MAGI1: variants seen among roughly 807,000 people sequenced by gnomAD.
MAGI1 encodes membrane associated guanylate kinase, WW and PDZ domain containing 1.
MAGI1 carries 58 observed loss-of-function variants against 139.9 expected under a neutral mutation model. The ratio of observed to expected loss-of-function variants is 0.41; its 90% CI spans 0.34 to 0.52. The LOEUF is 0.52. MAGI1 is among the 20% of genes least tolerant of loss of function. The pLI, the probability that MAGI1 is intolerant of heterozygous loss-of-function variation, is 0.12. For synonymous variants in MAGI1, 812 were observed against 737.9 expected (o/e 1.10, Z -1.63); for missense variants, 1,874 against 1,901.6 (o/e 0.99, Z 0.27).
intron 16 of MAGI1, among the ~76,000 whole-genome samples, 170 bp downstream of exon 16, chr3:65,381,707 C>T (rs181233112): frequency 6.6e-6 from 1 of 152,260 alleles, no homozygotes; most frequent in East Asian, 1.9e-4. Context: ...TTTAGAATGA[C>T]AGTAATTTTT....
chr3:65,991,325 A>T (rs1340000744), intron 1 of MAGI1, among the ~76,000 whole-genome samples: 1 of 148,720 alleles, frequency 6.7e-6, no homozygotes, highest in African/African-American at 2.5e-5. Context: ...AAAAAAAAAG[A>T]AAGTTAATGA....
At chr3:65,681,547 T>C (rs1576707476) in intron 1 of MAGI1, among the ~76,000 whole-genome samples, 1 of 152,372 alleles carries the variant, frequency 6.6e-6, no homozygotes, top group East Asian at 1.9e-4. Context: ...CATTTTGCTG[T>C]CACACTGTTT....
intron 12 of MAGI1, among the ~76,000 whole-genome samples, chr3:65,415,192 T>C (rs1946115082): frequency 6.6e-6 from 1 of 152,262 alleles, no homozygotes; most frequent in South Asian, 2.1e-4. Context: ...TCCTACCACC[T>C]TTCCTTCCAG....
chr3:65,803,153 T>C (rs1256537794), intron 1 of MAGI1, among the ~76,000 whole-genome samples: 1 of 152,022 alleles, frequency 6.6e-6, no homozygotes, highest in African/African-American at 2.4e-5. Flanking sequence ...AATGAGCTGA[T>C]TTTTTTTAAC....
intron 9 of MAGI1, 92 bp downstream of exon 9, chr3:65,439,787 C>T (rs951121983): frequency 1.7e-5 from 27 of 1,584,272 alleles, no homozygotes; most frequent in East Asian, 2.2e-5. Flanking sequence ...ACTCAATCAT[C>T]GAGGCCAGTT....
Position 65,710,269 on chromosome 3 carries a change from CTTTTTTTT to C in MAGI1, c.314-88189_314-88182del, listed in dbSNP as rs1175790063. Among the ~76,000 whole-genome samples the C allele has an allele frequency of 4.0e-4, 27 of 66,910 alleles. 1 individual carries two copies. The highest frequency in any genetic ancestry group is 0.011 in the Middle Eastern group (1 of 88). 43.9% of individuals were successfully genotyped at this position (66,910 alleles called of 152,430 possible). ...TGAATCACTTATTAACCTTACATTT[CTTTTTTTT>C]TTTTTTTTTTTTTTTTTTTTGAGAC... is the stretch of plus-strand genomic sequence containing the variant. On this transcript the variant is annotated intron_variant, in intron 1 of 22. Transcript: ENST00000402939.
intron 1 of MAGI1, among the ~76,000 whole-genome samples, chr3:65,898,029 AT>A (rs1405611057): frequency 1.3e-5 from 2 of 152,200 alleles, no homozygotes; most frequent in African/African-American, 4.8e-5. Flanking sequence ...CCAAATCCAA[AT>A]ATTTAACTCA....
rs554334686 is a variant in MAGI1, at chr3:65,884,106, G to C, written c.313+153890C>G. ...AAAAGAGCAAGATAAACAGAGAGTAGAAGAAACCAACCACAGGTTTTATTA... is the reference window on the plus strand; with the variant it reads ...AAAAGAGCAAGATAAACAGAGAGTACAAGAAACCAACCACAGGTTTTATTA... On this transcript the variant is annotated intron_variant, in intron 1 of 22. Transcript: ENST00000402939. 3.3e-5 allele frequency among the ~76,000 whole-genome samples: 5 copies of C among 152,308 alleles called. No individual in the cohort carries two copies. In the South Asian group the frequency reaches 1.0e-3, roughly 32 times the overall value.
intron 1 of MAGI1, among the ~76,000 whole-genome samples, chr3:65,665,893 T>C (rs1401456955): frequency 1.3e-5 from 2 of 152,198 alleles, no homozygotes; most frequent in Non-Finnish European, 2.9e-5. Context: ...AAAACTATTC[T>C]TCCTACTTTT....
chr3:65,880,458 A>G (rs948179605), intron 1 of MAGI1, among the ~76,000 whole-genome samples: 1 of 152,296 alleles, frequency 6.6e-6, no homozygotes, highest in African/African-American at 2.4e-5. Flanking sequence ...ATGTGTCACA[A>G]TTCAGCCAAA....
intron 5 of MAGI1, among the ~76,000 whole-genome samples, chr3:65,460,751 A>G (rs1174310597): frequency 6.6e-6 from 1 of 151,890 alleles, no homozygotes; most frequent in Non-Finnish European, 1.5e-5. Context: ...CCCTGTGCCC[A>G]TATGTCCTCA....
intron 1 of MAGI1, among the ~76,000 whole-genome samples, chr3:66,026,562 G>C (rs2068272394): frequency 6.6e-6 from 1 of 151,046 alleles, no homozygotes; most frequent in African/African-American, 2.4e-5. Context: ...ATAAAATAAG[G>C]ATGTTGCCTT....
At chr3:65,589,407 G>A (rs1169609755) in intron 2 of MAGI1, among the ~76,000 whole-genome samples, 2 of 152,194 alleles carry the variant, frequency 1.3e-5, no homozygotes, top group East Asian at 3.9e-4. Flanking sequence ...GACCATGCAT[G>A]TCATCTTGGA....
chr3:65,870,643 T>TG lies in MAGI1; in HGVS notation c.313+167352dup, dbSNP rs572051457. Reference sequence around the variant, plus strand: ...AGAGAAAGACAGGAGAGAGGCAGGGTGGGGGGGGTAGGAAAGAGGGTAGAG... The same window carrying TG: ...AGAGAAAGACAGGAGAGAGGCAGGGTGGGGGGGGGTAGGAAAGAGGGTAGAG... On this transcript the variant is annotated intron_variant, in intron 1 of 22. Coordinates refer to ENST00000402939, the MANE Select transcript of MAGI1 (RefSeq NM_001033057.2). Among the ~76,000 whole-genome samples the TG allele has an allele frequency of 2.7e-3, 198 of 74,378 alleles. 2 individuals carry two copies. In the South Asian group the frequency reaches 0.046, roughly 17 times the overall value. The allele number at this position is 74,378 out of a possible 152,430, so 48.8% of individuals were successfully genotyped here.
intron 1 of MAGI1, among the ~76,000 whole-genome samples, chr3:65,733,065 G>GT (rs199722842): frequency 0.024 from 3,673 of 151,736 alleles, 163 homozygotes; most frequent in African/African-American, 0.08. Flanking sequence ...GTTTTTGTTT[G>GT]TTTTTTTTGA....
At chr3:65,414,857 A>G (rs1365313782) in intron 12 of MAGI1, among the ~76,000 whole-genome samples, 6 of 63,536 alleles carry the variant, frequency 9.4e-5, no homozygotes, top group South Asian at 1.8e-3. Context: ...GTCTCTACTA[A>G]AAAAAAAAAA....
At chr3:65,940,217 C>T (rs764352637) in intron 1 of MAGI1, among the ~76,000 whole-genome samples, 3 of 152,196 alleles carry the variant, frequency 2.0e-5, no homozygotes, top group Non-Finnish European at 2.9e-5. Flanking sequence ...GAAAGCAATA[C>T]TAGGAATGGC....
At chr3:65,721,538 G>T (rs1347865306) in intron 1 of MAGI1, among the ~76,000 whole-genome samples, 2 of 152,124 alleles carry the variant, frequency 1.3e-5, no homozygotes, top group African/African-American at 4.8e-5. Context: ...TAGGCTTAAG[G>T]GATTTAGAAA....
chr3:65,698,580 C>A (rs1464304891), intron 1 of MAGI1, among the ~76,000 whole-genome samples: 2 of 152,084 alleles, frequency 1.3e-5, no homozygotes, highest in Non-Finnish European at 2.9e-5. Context: ...TGCATATCTA[C>A]AACTATCTGA....
Sources: allele counts gnomAD v4.1 joint callset (sites outside exome capture counted in the v4.1 genomes callset), GRCh38; gene constraint gnomAD v4.1.1; transcripts MANE v1.5; gene names NCBI Gene and HGNC (gene_info 2026-07-23, HGNC 2026-07-21).